Variants in HDLBP observed in about 807,000 individuals in gnomAD.
HDLBP encodes the protein high density lipoprotein binding protein.
HDLBP carries 30 observed loss-of-function variants against 137.3 expected under a neutral mutation model. That is an observed-to-expected ratio of 0.22 (90% confidence interval 0.16 to 0.30). HDLBP has a LOEUF of 0.30. HDLBP is among the 10% of genes least tolerant of loss of function. The pLI is 1.00. For synonymous variants in HDLBP, 606 were observed against 596.0 expected, an observed-to-expected ratio of 1.02 and a Z score of -0.24; for missense variants, 1,119 against 1,667.3, an observed-to-expected ratio of 0.67 and a Z score of 5.73.
In HDLBP at chr2:241,227,999, T is replaced by A. The variant is rs937928454; in HGVS notation, c.*1602A>T. On this transcript the variant is annotated 3_prime_UTR_variant, in exon 28 of 28. Transcript: ENST00000310931. ...GTAAACAGGCCCATTCAGGGCTGCCTGAGCAAATGGGGACTTGCCGAGGCA... is the reference window on the plus strand; with the variant it reads ...GTAAACAGGCCCATTCAGGGCTGCCAGAGCAAATGGGGACTTGCCGAGGCA... 1.3e-5 allele frequency: 2 copies of A among 152,252 alleles called. No homozygotes were observed. The highest frequency in any genetic ancestry group is 2.9e-5 in the Non-Finnish European group (2 of 68,054). 9.4% of individuals were successfully genotyped at this position (152,252 alleles called of 1,614,324 possible).
At chr2:241,285,558 GTGA>G (rs2074772944) in intron 1 of HDLBP, among the ~76,000 whole-genome samples, 1 of 152,150 alleles carries the variant, frequency 6.6e-6, no homozygotes, top group Admixed American at 6.5e-5. Flanking sequence ...ATCCCCACCA[GTGA>G]TGATGTGTGC....
chr2:241,297,782 A>G (rs1412690513), intron 1 of HDLBP, among the ~76,000 whole-genome samples: 3 of 152,062 alleles, frequency 2.0e-5, no homozygotes, highest in Non-Finnish European at 4.4e-5. Flanking sequence ...GACATATCAG[A>G]AGGACACAGA....
Position 241,239,669 on chromosome 2 carries a change from G to A in HDLBP, c.2543C>T (p.Thr848Ile), listed in dbSNP as rs1196053898. 6.2e-7 allele frequency: 1 copy of A among 1,614,196 alleles called. No homozygotes were observed. Among genetic ancestry groups the A allele is most frequent in the Admixed American group, 1.7e-5 (1 of 60,022 alleles). The change falls in exon 19 of 28, where the codon ACC becomes ATC. Residue 848 changes from threonine (T) to isoleucine (I), a missense_variant. Physicochemically the swap from Thr to Ile is moderately conservative, Grantham distance 89. Coordinates refer to ENST00000310931, the MANE Select transcript of HDLBP (RefSeq NM_005336.6). This position sits in a 1 kb window ranked among gnomAD's most constrained non-coding sequence, Gnocchi z 4.6. Reference protein sequence around the residue: ...PRSGTQSDKVTLKGAKDCVEA... With the variant: ...PRSGTQSDKVILKGAKDCVEA... ...CACACAGTCCTTGGCGCCCTTGAGG[G>A]TGACTTTGTCGCTCTGTGTGCCAGA...
intron 1 of HDLBP, among the ~76,000 whole-genome samples, chr2:241,278,519 G>A (rs1478730720): frequency 1.3e-5 from 2 of 151,982 alleles, no homozygotes; most frequent in Non-Finnish European, 2.9e-5. Flanking sequence ...GGAGGTGGAG[G>A]TTGCAGTGAA....
chr2:241,230,201 C>T lies in HDLBP; in HGVS notation c.3543G>A (p.Glu1181=). ...TGTGGTCGATGGCTTCCTCCACATTCTCTGGGAGCCCCGTCACAGTGACGC... is the reference window on the plus strand; with the variant it reads ...TGTGGTCGATGGCTTCCTCCACATTTTCTGGGAGCCCCGTCACAGTGACGC... The part of the protein sequence containing the change: ...PNCVTVTGLP[E]NVEEAIDHIL... The change falls in exon 26 of 28, where the codon GAG becomes GAA. Residue 1181 remains glutamate (E), a synonymous_variant. Coordinates refer to ENST00000310931, the MANE Select transcript of HDLBP (RefSeq NM_005336.6). The surrounding 1 kb of genome is among the most constrained non-coding windows in gnomAD (Gnocchi z 5.0). 2 of 1,613,726 alleles carry T rather than the reference C, an allele frequency of 1.2e-6. No homozygotes were observed. The highest frequency in any genetic ancestry group is 2.2e-5 in the East Asian group (1 of 44,870).
intron 1 of HDLBP, among the ~76,000 whole-genome samples, chr2:241,282,382 A>G (rs1470654833): frequency 6.6e-6 from 1 of 152,234 alleles, no homozygotes; most frequent in African/African-American, 2.4e-5. Context: ...CTGGAGGAAT[A>G]ATTGGTGTGG....
chr2:241,280,754 T>G lies in HDLBP; in HGVS notation c.-102-12213A>C, dbSNP rs181135160. Among the ~76,000 whole-genome samples the G allele has an allele frequency of 1.2e-3, 180 of 152,312 alleles. 1 individual carries two copies. Among genetic ancestry groups the G allele is most frequent in the African/African-American group, 3.9e-3 (163 of 41,566 alleles). On this transcript the variant is annotated intron_variant, in intron 1 of 27. Coordinates refer to ENST00000310931, the MANE Select transcript of HDLBP (RefSeq NM_005336.6). ...TGGCTAGTTGTTTAAGCTCTCAACT[T>G]TAATAATTCACATTTCTAAGTTTTG...
rs2149395413 is a variant in HDLBP, at chr2:241,240,042, A to G, written c.2250T>C (p.Ile750=). 1 of 1,614,060 alleles carries G rather than the reference A, an allele frequency of 6.2e-7. No homozygotes were observed. Among genetic ancestry groups the G allele is most frequent in the Non-Finnish European group, 8.5e-7 (1 of 1,180,022 alleles). The change falls in exon 18 of 28, where the codon ATT becomes ATC. Residue 750 remains isoleucine (I), a synonymous_variant. Coordinates refer to ENST00000310931, the MANE Select transcript of HDLBP (RefSeq NM_005336.6). The surrounding 1 kb of genome is among the most constrained non-coding windows in gnomAD (Gnocchi z 5.5). ...KFLIGKGGGK[I]RKVRDSTGAR... Reference sequence around the variant, plus strand: ...CTCCAGTGCTGTCGCGCACCTTGCGAATTTTGCCGCCCCCCTTGCCGATGA... The same window carrying G: ...CTCCAGTGCTGTCGCGCACCTTGCGGATTTTGCCGCCCCCCTTGCCGATGA...
chr2:241,281,318 CACTCCAGCCTGTGCAACAGGA>C (rs1309522764), intron 1 of HDLBP, among the ~76,000 whole-genome samples: 1 of 151,938 alleles, frequency 6.6e-6, no homozygotes, highest in Non-Finnish European at 1.5e-5. Context: ...CGCGCCATTG[CACTCCAGCCTGTGCAACAGGA>C]GTGAAACTCC....
At chr2:241,274,879 G>C (rs2074332901) in intron 1 of HDLBP, among the ~76,000 whole-genome samples, 1 of 152,154 alleles carries the variant, frequency 6.6e-6, no homozygotes, top group African/African-American at 2.4e-5. Flanking sequence ...GCCCTCAAAG[G>C]GACGGGGGAG....
rs1257068448 is a variant in HDLBP at position 241,272,605 on chromosome 2, G to A, written c.-102-4064C>T. ...GTAAGCAGGACACCCGCGGGCGGGGGCCGCAGCCTGGGGCCCGGGTGGGGG... is the reference window on the plus strand; with the variant it reads ...GTAAGCAGGACACCCGCGGGCGGGGACCGCAGCCTGGGGCCCGGGTGGGGG... On this transcript the variant is annotated intron_variant, in intron 1 of 27. Transcript: ENST00000310931. This position sits in a 1 kb window ranked among gnomAD's most constrained non-coding sequence, Gnocchi z 5.6. The A allele has an allele frequency of 3.1e-6, 3 of 982,348 alleles. No individual in the cohort carries two copies. Among genetic ancestry groups the A allele is most frequent in the South Asian group, 4.7e-5 (1 of 21,172 alleles). The allele number at this position is 982,348 out of a possible 1,614,324, so 60.9% of individuals were successfully genotyped here.
Position 241,240,259 on chromosome 2 carries a change from C to T in HDLBP, c.2170-137G>A. The T allele has an allele frequency of 2.5e-6, 2 of 796,598 alleles. No individual in the cohort carries two copies. Among genetic ancestry groups the T allele is most frequent in the Non-Finnish European group, 4.3e-6 (2 of 461,962 alleles). 49.3% of individuals were successfully genotyped at this position (796,598 alleles called of 1,614,324 possible). ...AGTGTCCTGATGTTGCACCAATACC[C>T]CCAAAATGGGGCTAGCACACCTCAC... On this transcript the variant is annotated intron_variant, in intron 17 of 27. Transcript: ENST00000310931. The surrounding 1 kb of genome is among the most constrained non-coding windows in gnomAD (Gnocchi z 5.5).
In HDLBP at chr2:241,256,262, C is replaced by T. The variant is rs751161579; in HGVS notation, c.795G>A (p.Arg265=). The stretch of plus-strand genomic sequence containing the variant: ...TCTCTCCAGTGAAGACAATCTCTGT[C>T]CGGTTCACGCTGGGTGGGGGGATGT... ...RINIPPPSVN[R]TEIVFTGEKE... Residue 265 remains arginine (R), a synonymous_variant, in exon 7 of 28, where the codon CGG becomes CGA. Transcript: ENST00000310931. The T allele has an allele frequency of 5.6e-6, 9 of 1,614,042 alleles. No homozygotes were observed. The African/African-American group carries it at 1.2e-4, about 22-fold the overall frequency.
At position 241,229,591 on chromosome 2, in the gene HDLBP, T is replaced by C. The variant is rs2069466910; in HGVS notation, c.*10A>G. ...CAGCAGGCTGGAGAGGGTTCTGTTC[T>C]TTTTGATCATTATCGTTTGGGGCCC... On this transcript the variant is annotated 3_prime_UTR_variant, in exon 28 of 28. Coordinates refer to ENST00000310931, the MANE Select transcript of HDLBP (RefSeq NM_005336.6). 3.1e-6 allele frequency: 5 copies of C among 1,608,364 alleles called. No homozygotes were observed. Among genetic ancestry groups the C allele is most frequent in the Non-Finnish European group, 4.3e-6 (5 of 1,175,116 alleles).
chr2:241,248,771 G>T (rs1034222576), intron 12 of HDLBP, among the ~76,000 whole-genome samples: 1 of 152,078 alleles, frequency 6.6e-6, no homozygotes, highest in African/African-American at 2.4e-5. Context: ...CTTCTGAACA[G>T]AGGGTGGCTC....
rs2070805644 is a variant in HDLBP at position 241,238,339 on chromosome 2, T to C, written c.2749+310A>G. ...GACGGGGCTCATGCGATCCAAACGATGTCATGAGAATCACTGGGACTGAAC... is the reference window on the plus strand; with the variant it reads ...GACGGGGCTCATGCGATCCAAACGACGTCATGAGAATCACTGGGACTGAAC... On this transcript the variant is annotated intron_variant, in intron 20 of 27. Transcript: ENST00000310931. This position sits in a 1 kb window ranked among gnomAD's most constrained non-coding sequence, Gnocchi z 4.9. The C allele has an allele frequency of 4.6e-6, 1 of 217,236 alleles. No individual in the cohort carries two copies. The highest frequency in any genetic ancestry group is 9.0e-6 in the Non-Finnish European group (1 of 110,850). 13.5% of individuals were successfully genotyped at this position (217,236 alleles called of 1,614,324 possible).
At chr2:241,255,349 A>G (rs1398890750) in intron 8 of HDLBP, 25 bp downstream of exon 8, 1 of 1,602,056 alleles carries the variant, frequency 6.2e-7, no homozygotes. Context: ...CAAAGGAGAC[A>G]CACTTCATGC....
At chr2:241,236,066 G>A (rs971769234) in intron 21 of HDLBP, 6 of 187,702 alleles carry the variant, frequency 3.2e-5, no homozygotes, top group African/African-American at 4.7e-5. Flanking sequence ...CTCCCCCACC[G>A]CCCTTCACCT....
intron 17 of HDLBP, among the ~76,000 whole-genome samples, 195 bp downstream of exon 17, chr2:241,242,265 G>C (rs2071313779): frequency 6.6e-6 from 1 of 152,152 alleles, no homozygotes; most frequent in Admixed American, 6.5e-5. Flanking sequence ...TTTATATATT[G>C]CATATGTGAG....
Sources: gnomAD v4.1 joint callset for allele counts (sites outside exome capture counted in the v4.1 genomes callset) on GRCh38, gnomAD v4.1.1 for gene constraint, Gnocchi (gnomAD v3.1) non-coding constraint, MANE v1.5 for transcripts, NCBI Gene and HGNC (gene_info 2026-07-23, HGNC 2026-07-21) for gene names.